CHD7: variants seen among roughly 807,000 people sequenced by gnomAD.
The protein encoded by CHD7 is ATP-dependent chromatin remodeler CHD7.
A neutral mutation model predicts 307.3 loss-of-function variants in CHD7; 24 were observed. The ratio of observed to expected loss-of-function variants is 0.08; its 90% CI spans 0.06 to 0.11. The LOEUF (loss-of-function observed/expected upper bound fraction) is 0.11, where lower values mean the gene tolerates loss of function less well. Among genes scored for constraint, CHD7 ranks in the 10% least tolerant of loss-of-function variants. The probability of loss-of-function intolerance (pLI) is 1.00; values close to 1 mark genes in which losing one functional copy is unlikely to be tolerated. For synonymous variants in CHD7, 1,363 were observed against 1,349.9 expected (o/e 1.01, Z -0.21); for missense variants, 3,106 against 3,727.1 (o/e 0.83, Z 4.34).
At chr8:60,778,674 C>T (rs1212788261) in intron 2 of CHD7, among the ~76,000 whole-genome samples, 1 of 152,182 alleles carries the variant, frequency 6.6e-6, no homozygotes, top group African/African-American at 2.4e-5. Context: ...TCCTCTCTTT[C>T]CAGAAACAGC....
chr8:60,709,854 T>C (rs528224305), intron 1 of CHD7, among the ~76,000 whole-genome samples: 7 of 152,340 alleles, frequency 4.6e-5, no homozygotes, highest in African/African-American at 9.6e-5. Context: ...CATTTAAAGA[T>C]AGCTATTCTC....
chr8:60,688,005 G>A (rs1805998037), intron 1 of CHD7, among the ~76,000 whole-genome samples: 1 of 152,206 alleles, frequency 6.6e-6, no homozygotes. Flanking sequence ...CTATTGCTGT[G>A]TCTTACCAGC....
At chr8:60,861,480 A>C (rs1236554882) in intron 35 of CHD7, 1 of 188,124 alleles carries the variant, frequency 5.3e-6, no homozygotes. Context: ...TCCAGTCTCC[A>C]GACGAGGCCC....
chr8:60,717,693 G>A (rs1435264810), intron 1 of CHD7, among the ~76,000 whole-genome samples: 3 of 151,860 alleles, frequency 2.0e-5, no homozygotes, highest in Non-Finnish European at 4.4e-5. Context: ...ATATACAACA[G>A]TGGTCTCATG....
In CHD7 at chr8:60,823,827, G is replaced by C; in HGVS notation, c.3202-13G>C. On this transcript the variant is annotated splice_polypyrimidine_tract_variant and intron_variant, in intron 12 of 37. Coordinates refer to ENST00000423902, the MANE Select transcript of CHD7 (RefSeq NM_017780.4). Reference sequence around the variant, plus strand: ...CATTAATGCTTAATAATAATTCAGAGTTGTTCTTATAGGGTCGAGTGATAA... The same window carrying C: ...CATTAATGCTTAATAATAATTCAGACTTGTTCTTATAGGGTCGAGTGATAA... 6.2e-7 allele frequency: 1 copy of C among 1,607,338 alleles called. No individual in the cohort carries two copies. Among genetic ancestry groups the C allele is most frequent in the Non-Finnish European group, 8.5e-7 (1 of 1,174,072 alleles).
At chr8:60,763,876 C>T (rs1458877365) in intron 2 of CHD7, among the ~76,000 whole-genome samples, 1 of 152,174 alleles carries the variant, frequency 6.6e-6, no homozygotes, top group Non-Finnish European at 1.5e-5. Flanking sequence ...TCACCTCCCA[C>T]CCCGACCAGT....
At chr8:60,803,347 A>G (rs1812397115) in intron 6 of CHD7, among the ~76,000 whole-genome samples, 1 of 152,234 alleles carries the variant, frequency 6.6e-6, no homozygotes. Flanking sequence ...AGAGCTATTT[A>G]GACTATATAT....
intron 2 of CHD7, among the ~76,000 whole-genome samples, chr8:60,753,485 C>T (rs1384263430): frequency 6.6e-6 from 1 of 152,012 alleles, no homozygotes; most frequent in Non-Finnish European, 1.5e-5. Flanking sequence ...AAGTTCAAAA[C>T]CAATATTCAC....
chr8:60,843,476 A>G lies in CHD7; in HGVS notation c.4851-1388A>G, dbSNP rs145822608. ...TTCAGTCGAGCCCTTCCCTCTTCCC[A>G]TAGTTGTCACTATGTACTGAACACC... On this transcript the variant is annotated intron_variant, in intron 21 of 37. Coordinates refer to ENST00000423902, the MANE Select transcript of CHD7 (RefSeq NM_017780.4). 3.4e-3 allele frequency among the ~76,000 whole-genome samples: 523 copies of G among 152,296 alleles called. 5 individuals carry two copies. Among genetic ancestry groups the G allele is most frequent in the African/African-American group, 0.012 (495 of 41,556 alleles).
At chr8:60,700,196 C>G (rs1014170453) in intron 1 of CHD7, among the ~76,000 whole-genome samples, 2 of 152,182 alleles carry the variant, frequency 1.3e-5, no homozygotes, top group African/African-American at 4.8e-5. Context: ...TTTAGAAGAT[C>G]ATTATGAATG....
In CHD7 at chr8:60,743,096, A is replaced by G; in HGVS notation, c.1664A>G (p.Gln555Arg). 3 of 1,611,780 alleles carry G rather than the reference A, an allele frequency of 1.9e-6. No individual in the cohort carries two copies. The highest frequency in any genetic ancestry group is 2.5e-6 in the Non-Finnish European group (3 of 1,178,526). Residue 555 changes from glutamine (Q) to arginine (R), a missense_variant and splice_region_variant, in exon 2 of 38, where the codon CAG (glutamine) becomes CGG (arginine). Gln to Arg is a conservative substitution (Grantham distance 43). Around this residue, in one of 10 missense-constraint regions of CHD7, gnomAD observed 998 missense variants for 1,004.5 expected, o/e 0.99. Coordinates refer to ENST00000423902, the MANE Select transcript of CHD7 (RefSeq NM_017780.4). ...ACCCCGCAGAAAGTGCCTGTGCATC[A>G]GGTAAGGGGACACAGAGCCTACCTC... Reference protein sequence around the residue: ...QNTPQKVPVHQHSPSEPFLEK... With the variant: ...QNTPQKVPVHRHSPSEPFLEK...
intron 18 of CHD7, 62 bp from the exon 19 acceptor site, chr8:60,838,014 T>C: frequency 7.5e-7 from 1 of 1,332,628 alleles, no homozygotes; most frequent in Non-Finnish European, 1.0e-6. Flanking sequence ...CAGCATTTGT[T>C]TAGTCTGCAA....
chr8:60,701,566 A>ATAGTTCTT (rs1222026907), intron 1 of CHD7, among the ~76,000 whole-genome samples: 1 of 152,240 alleles, frequency 6.6e-6, no homozygotes, highest in African/African-American at 2.4e-5. Context: ...TTATTGTATC[A>ATAGTTCTT]TAGTTCTTTC....
At chr8:60,838,628 C>A (rs1253830054) in intron 19 of CHD7, among the ~76,000 whole-genome samples, 7 of 152,322 alleles carry the variant, frequency 4.6e-5, no homozygotes, top group Non-Finnish European at 1.0e-4. Context: ...TTTAAAAACA[C>A]CTCTTCTCTA....
intron 2 of CHD7, among the ~76,000 whole-genome samples, chr8:60,769,934 A>G (rs1810634625): frequency 6.6e-6 from 1 of 152,244 alleles, no homozygotes; most frequent in Non-Finnish European, 1.5e-5. Flanking sequence ...AAACTTCAAG[A>G]ACACACTGGA....
In CHD7 at chr8:60,845,005, C is replaced by T; in HGVS notation, c.4992C>T (p.Ile1664=). Residue 1664 remains isoleucine (I), a synonymous_variant, in exon 22 of 38, where the codon ATC becomes ATT. Transcript: ENST00000423902. ...GGGATGAGAATATCAAAAGCTTCAT[C>T]TGGGATCTGATCACACCCACAGCGG... The part of the protein sequence containing the change: ...YKGDENIKSF[I]WDLITPTADG... 1 of 1,614,034 alleles carries T rather than the reference C, an allele frequency of 6.2e-7. No homozygotes were observed. Among genetic ancestry groups the T allele is most frequent in the Non-Finnish European group, 8.5e-7 (1 of 1,179,892 alleles).
At position 60,741,826 on chromosome 8, in the gene CHD7, G is replaced by A; in HGVS notation, c.394G>A (p.Glu132Lys). 1.2e-6 allele frequency: 2 copies of A among 1,613,942 alleles called. No homozygotes were observed. The highest frequency in any genetic ancestry group is 1.7e-6 in the Non-Finnish European group (2 of 1,179,858). ...QMGVYPGMQN[E>K]RHGQSFVDSS... ...GGGTGTCTACCCTGGCATGCAGAAT[G>A]AGAGGCATGGGCAATCCTTTGTGGA... is the stretch of plus-strand genomic sequence containing the variant. The change falls in exon 2 of 38, where the codon GAG becomes AAG. Residue 132 changes from glutamate to lysine, a missense_variant. Physicochemically the swap from Glu to Lys is moderately conservative, Grantham distance 56. Transcript: ENST00000423902.
intron 1 of CHD7, among the ~76,000 whole-genome samples, chr8:60,688,867 G>A (rs1185255153): frequency 6.6e-6 from 1 of 152,156 alleles, no homozygotes; most frequent in African/African-American, 2.4e-5. Context: ...AAAATCTATA[G>A]GAGCTCCAGA....
chr8:60,827,127 A>G (rs1804285422), intron 13 of CHD7, among the ~76,000 whole-genome samples: 1 of 152,218 alleles, frequency 6.6e-6, no homozygotes, highest in Non-Finnish European at 1.5e-5. Flanking sequence ...GAAGCTGCAT[A>G]AGAAAGGAGT....
Sources: allele counts gnomAD v4.1 joint callset (sites outside exome capture counted in the v4.1 genomes callset), GRCh38; gene constraint gnomAD v4.1.1; regional missense constraint gnomAD v4.1.1; transcripts MANE v1.5; gene names NCBI Gene and HGNC (gene_info 2026-07-23, HGNC 2026-07-21).